The following MBD2 variants were observed in gnomAD, a reference collection of about 807,000 sequenced individuals.
The protein encoded by MBD2 is methyl-CpG-binding domain protein 2.
A neutral mutation model predicts 39.3 loss-of-function variants in MBD2; 9 were observed. The observed-to-expected ratio is 0.23, with a 90% confidence interval of 0.14 to 0.40. The LOEUF (loss-of-function observed/expected upper bound fraction) is 0.40, where lower values mean the gene tolerates loss of function less well. MBD2 is among the 10% of genes least tolerant of loss of function. MBD2 has a pLI of 1.00. For missense variants in MBD2, 458 were observed against 532.6 expected (o/e 0.86, Z 1.38); for synonymous variants, 233 against 211.1 (o/e 1.10, Z -0.90).
intron 3 of MBD2, among the ~76,000 whole-genome samples, chr18:54,181,745 C>T (rs112313071): frequency 4.1e-4 from 63 of 151,958 alleles, no homozygotes; most frequent in South Asian, 1.9e-3. Context: ...GTGATCCACC[C>T]GCCTCGGCCT....
intron 3 of MBD2, among the ~76,000 whole-genome samples, chr18:54,180,890 ATTTTTTCTTTTTCTTTTTT>A (rs1159020651): frequency 8.7e-6 from 1 of 114,570 alleles, no homozygotes; most frequent in African/African-American, 3.7e-5. Context: ...GTATTCCTTA[ATTTTTTCTTTTTCTTTTTT>A]TTTTTTTTTT....
intron 1 of MBD2, among the ~76,000 whole-genome samples, chr18:54,212,006 C>T (rs1280692307): frequency 6.6e-6 from 1 of 152,128 alleles, no homozygotes; most frequent in East Asian, 1.9e-4. Flanking sequence ...CAGGCGCCTG[C>T]CACCAAACCC....
chr18:54,224,512 CT>C lies in MBD2; in HGVS notation c.47del (p.Glu16GlyfsTer17). 8.1e-7 allele frequency: 1 copy of C among 1,234,756 alleles called. No homozygotes were observed. Among genetic ancestry groups the C allele is most frequent in the Non-Finnish European group, 1.0e-6 (1 of 990,310 alleles). 76.5% of individuals were successfully genotyped at this position (1,234,756 alleles called of 1,614,324 possible). A position where few individuals can be genotyped will look rare whatever the true frequency, so the allele number is the denominator to read the frequency against. On this transcript the variant is annotated frameshift_variant, in exon 1 of 7. Transcript: ENST00000256429. LOFTEE classifies it high-confidence loss of function. ...GGGRCCPEQE[E>X]GESAAGGSGA... ...CGCTGCCGCCCGCCGCACTCTCCCC[CT>C]CCTCCTGCTCCGGGCAGCAGCGGCC...
intron 4 of MBD2, 101 bp from the exon 5 acceptor site, chr18:54,164,801 C>A (rs1463202770): frequency 1.4e-5 from 13 of 905,360 alleles, no homozygotes; most frequent in Non-Finnish European, 2.2e-5. Flanking sequence ...CATTTGGGAT[C>A]ATATATGTAA....
chr18:54,220,124 G>C (rs896933770), intron 1 of MBD2, among the ~76,000 whole-genome samples: 1 of 152,034 alleles, frequency 6.6e-6, no homozygotes, highest in South Asian at 2.1e-4. Context: ...TTTAAAAAAG[G>C]CAAGAGGGGG....
chr18:54,170,236 GT>G (rs2086170711), intron 3 of MBD2, among the ~76,000 whole-genome samples: 1 of 152,166 alleles, frequency 6.6e-6, no homozygotes. Context: ...ACATGAAGGT[GT>G]ATTACAAAAA....
intron 3 of MBD2, among the ~76,000 whole-genome samples, chr18:54,176,829 AG>A (rs1290609617): frequency 9.2e-5 from 14 of 152,354 alleles, no homozygotes; most frequent in African/African-American, 2.6e-4. Context: ...ACCAAGGAGA[AG>A]GTTACTTCGT....
At chr18:54,168,034 G>A (rs991641125) in intron 3 of MBD2, among the ~76,000 whole-genome samples, 2 of 149,400 alleles carry the variant, frequency 1.3e-5, no homozygotes, top group African/African-American at 2.4e-5. Flanking sequence ...AGATTAGTAA[G>A]TGCTTTTATA....
chr18:54,202,310 A>C (rs1401376948), intron 2 of MBD2, among the ~76,000 whole-genome samples: 1 of 152,228 alleles, frequency 6.6e-6, no homozygotes, highest in Admixed American at 6.5e-5. Flanking sequence ...CCTGGGCGAC[A>C]GAGCAAGACT....
chr18:54,162,524 T>A (rs1194064327), intron 5 of MBD2, among the ~76,000 whole-genome samples: 1 of 152,180 alleles, frequency 6.6e-6, no homozygotes, highest in Non-Finnish European at 1.5e-5. Flanking sequence ...AAAAAGGAAA[T>A]CATCCAGAAT....
chr18:54,208,306 A>C (rs567881976), intron 1 of MBD2, among the ~76,000 whole-genome samples: 14 of 152,296 alleles, frequency 9.2e-5, no homozygotes, highest in African/African-American at 3.4e-4. Flanking sequence ...CAGCCTGACC[A>C]ACATGGAGAA....
Position 54,207,898 on chromosome 18 carries a change from C to T in MBD2, c.543-2741G>A, listed in dbSNP as rs1190176751. On this transcript the variant is annotated intron_variant, in intron 1 of 6. Coordinates refer to ENST00000256429, the MANE Select transcript of MBD2 (RefSeq NM_003927.5). ...TAAAAATACAAAAAAATTAGCCGGG[C>T]GTGGTGGCGGGCGCCTGTAGTCCCA... Among the ~76,000 whole-genome samples, 6 of 152,138 alleles carry T rather than the reference C, an allele frequency of 3.9e-5. 1 individual carries two copies. The highest frequency in any genetic ancestry group is 7.2e-5 in the African/African-American group (3 of 41,510).
At chr18:54,180,284 G>T (rs2086241495) in intron 3 of MBD2, among the ~76,000 whole-genome samples, 1 of 152,010 alleles carries the variant, frequency 6.6e-6, no homozygotes, top group Admixed American at 6.5e-5. Flanking sequence ...GCAGCATAAA[G>T]AAAATATTTT....
intron 2 of MBD2, among the ~76,000 whole-genome samples, chr18:54,192,155 A>G (rs548250669): frequency 7.9e-5 from 12 of 152,362 alleles, no homozygotes; most frequent in African/African-American, 2.2e-4. Context: ...GCAGCTTCAC[A>G]CATAAATGCT....
chr18:54,193,014 G>A (rs1411303112), intron 2 of MBD2, among the ~76,000 whole-genome samples: 1 of 152,106 alleles, frequency 6.6e-6, no homozygotes, highest in Non-Finnish European at 1.5e-5. Context: ...AAGCTCTGAC[G>A]ACAGAATGTC....
chr18:54,193,355 T>G (rs1345269207), intron 2 of MBD2, among the ~76,000 whole-genome samples: 1 of 152,190 alleles, frequency 6.6e-6, no homozygotes, highest in Non-Finnish European at 1.5e-5. Context: ...GTTACAAAAT[T>G]AAACTGGCAA....
intron 3 of MBD2, among the ~76,000 whole-genome samples, chr18:54,185,134 C>T (rs1043768979): frequency 6.6e-6 from 1 of 152,116 alleles, no homozygotes; most frequent in African/African-American, 2.4e-5. Flanking sequence ...TGCACATTTA[C>T]AAAATTTATC....
chr18:54,222,609 G>A lies in MBD2; in HGVS notation c.542+1409C>T, dbSNP rs549192838. On this transcript the variant is annotated intron_variant, in intron 1 of 6. Transcript: ENST00000256429. ...CAGCCCCGTAACTGGGACCACAGGT[G>A]ATTACTACCTTCTTATGTTTAAAAG... 2.0e-5 allele frequency among the ~76,000 whole-genome samples: 3 copies of A among 152,320 alleles called. No homozygotes were observed. The East Asian group carries it at 5.8e-4, about 29-fold the overall frequency.
intron 1 of MBD2, among the ~76,000 whole-genome samples, chr18:54,214,584 G>A (rs7232422): frequency 0.29 from 44,748 of 151,972 alleles, 7,715 homozygotes; most frequent in East Asian, 0.56. Context: ...ACAAAATACA[G>A]TAAACCTTCA....
Sources: gnomAD v4.1 joint callset for allele counts (sites outside exome capture counted in the v4.1 genomes callset) on GRCh38, gnomAD v4.1.1 for gene constraint, MANE v1.5 for transcripts, NCBI Gene and HGNC (gene_info 2026-07-23, HGNC 2026-07-21) for gene names.